The following RGS8 variants were observed in gnomAD, a reference collection of about 807,000 sequenced individuals.
RGS8 encodes the protein regulator of G protein signaling 8, also known as regulator of G-protein signaling 8.
Under a neutral mutation model 21.7 loss-of-function variants are expected in RGS8, and 8 were observed. That is an observed-to-expected ratio of 0.37 (90% confidence interval 0.22 to 0.66). The LOEUF is 0.66. Among genes scored for constraint, RGS8 ranks in the 30% least tolerant of loss-of-function variants. RGS8 has a pLI of 0.59. For missense variants in RGS8, 157 were observed against 217.9 expected, an observed-to-expected ratio of 0.72 and a Z score of 1.76; for synonymous variants, 80 against 83.6, an observed-to-expected ratio of 0.96 and a Z score of 0.24.
chr1:182,687,976 G>T (rs1452511155), upstream of RGS8, among the ~76,000 whole-genome samples: 1 of 152,178 alleles, frequency 6.6e-6, no homozygotes, highest in East Asian at 1.9e-4. Context: ...AGAGTTTATG[G>T]TACATTTACA....
chr1:182,717,995 T>C, the RGS8 span, among the ~76,000 whole-genome samples: 12 of 152,124 alleles, frequency 7.9e-5, no homozygotes, highest in Non-Finnish European at 1.6e-4. Flanking sequence ...AAGGAGAGAA[T>C]ACAAATGAAA....
chr1:182,752,218 T>C, the RGS8 span, among the ~76,000 whole-genome samples: 2 of 152,204 alleles, frequency 1.3e-5, no homozygotes, highest in East Asian at 3.8e-4. Flanking sequence ...GAGGCTGGGC[T>C]GAGCCAGCTG....
chr1:182,720,359 C>T, the RGS8 span, among the ~76,000 whole-genome samples: 17 of 152,284 alleles, frequency 1.1e-4, no homozygotes, highest in Middle Eastern at 3.4e-3. Flanking sequence ...TCGCAAAAAT[C>T]TTCACCAACC....
At chr1:182,724,139 G>A in the RGS8 span, among the ~76,000 whole-genome samples, 1 of 143,960 alleles carries the variant, frequency 6.9e-6, no homozygotes, top group African/African-American at 2.6e-5. Flanking sequence ...CATAGAATCA[G>A]CTGCCAGTGT....
the RGS8 span, among the ~76,000 whole-genome samples, chr1:182,732,081 G>C: frequency 2.6e-5 from 4 of 152,184 alleles, no homozygotes; most frequent in South Asian, 8.3e-4. Flanking sequence ...GACGACTTTA[G>C]AAAGAACCAA....
At chr1:182,689,996 A>G in the RGS8 span, among the ~76,000 whole-genome samples, 1 of 152,048 alleles carries the variant, frequency 6.6e-6, no homozygotes, top group Non-Finnish European at 1.5e-5. Flanking sequence ...TTCTTATTCC[A>G]TTTCCATAGG....
chr1:182,738,988 C>A, the RGS8 span, among the ~76,000 whole-genome samples: 1 of 152,186 alleles, frequency 6.6e-6, no homozygotes, highest in South Asian at 2.1e-4. Context: ...AAGGTTAGAT[C>A]TGTAGTTGTA....
chr1:182,710,351 C>A, the RGS8 span, among the ~76,000 whole-genome samples: 1 of 152,148 alleles, frequency 6.6e-6, no homozygotes, highest in African/African-American at 2.4e-5. Flanking sequence ...CAGGGACACC[C>A]CTACCCTCTT....
At chr1:182,725,062 T>A in the RGS8 span, among the ~76,000 whole-genome samples, 6 of 152,176 alleles carry the variant, frequency 3.9e-5, no homozygotes, top group African/African-American at 1.4e-4. Context: ...TCAGGTTACC[T>A]TTTTGTAAAG....
chr1:182,704,546 T>A, the RGS8 span, among the ~76,000 whole-genome samples: 3 of 152,224 alleles, frequency 2.0e-5, no homozygotes, highest in Non-Finnish European at 4.4e-5. Context: ...TGGACCCATA[T>A]GCAGAATGGG....
At chr1:182,735,137 G>A in the RGS8 span, among the ~76,000 whole-genome samples, 18 of 152,188 alleles carry the variant, frequency 1.2e-4, no homozygotes, top group Middle Eastern at 3.4e-3. Flanking sequence ...GCCTTGAGGC[G>A]AATGGCTACT....
In RGS8 at chr1:182,683,119, C is replaced by T. The variant is rs553501341; in HGVS notation, n.221+1237G>A. ...GACCTGGCCATGGTGAGATGTGGGCCACACTACACACTCTACTGCCCACTC... is the reference window on the plus strand; with the variant it reads ...GACCTGGCCATGGTGAGATGTGGGCTACACTACACACTCTACTGCCCACTC... On this transcript the variant is annotated intron_variant and non_coding_transcript_variant, in intron 1 of 4. Coordinates refer to the RGS8 transcript ENST00000515211. Among the ~76,000 whole-genome samples, 11 of 152,324 alleles carry T rather than the reference C, an allele frequency of 7.2e-5. No homozygotes were observed. The South Asian group carries it at 2.3e-3, about 32-fold the overall frequency.
chr1:182,651,524 G>A (rs1663013259), intron 5 of RGS8, among the ~76,000 whole-genome samples: 2 of 152,178 alleles, frequency 1.3e-5, no homozygotes. Flanking sequence ...TTGAAGTACT[G>A]TTTCCACTGA....
At chr1:182,686,182 A>C (rs960780941), upstream of RGS8, among the ~76,000 whole-genome samples, 1 of 152,212 alleles carries the variant, frequency 6.6e-6, no homozygotes, top group Admixed American at 6.5e-5. Context: ...TGTTTGGGAA[A>C]CAGTGAGTGT....
the RGS8 span, among the ~76,000 whole-genome samples, chr1:182,736,980 G>A: frequency 1.3e-5 from 2 of 152,258 alleles, no homozygotes; most frequent in Admixed American, 1.3e-4. Flanking sequence ...TGTTTTCTCA[G>A]TCCTGGAGGC....
chr1:182,708,381 A>G, the RGS8 span, among the ~76,000 whole-genome samples: 1 of 152,166 alleles, frequency 6.6e-6, no homozygotes, highest in Admixed American at 6.5e-5. Flanking sequence ...AAGGAGATGG[A>G]TGAAGGTGAG....
chr1:182,694,016 T>G, the RGS8 span, among the ~76,000 whole-genome samples: 1 of 152,110 alleles, frequency 6.6e-6, no homozygotes. Flanking sequence ...AGTACCCTAC[T>G]GGGTACTGTG....
chr1:182,722,466 C>T, the RGS8 span, among the ~76,000 whole-genome samples: 2 of 151,784 alleles, frequency 1.3e-5, no homozygotes, highest in African/African-American at 2.4e-5. Flanking sequence ...TGTCAGCCTG[C>T]CATGCTCCCT....
chr1:182,666,136 G>C (rs1663847338), intron 4 of RGS8, 103 bp from the exon 6 acceptor site: 1 of 930,024 alleles, frequency 1.1e-6, no homozygotes. Context: ...AAAATGTGGG[G>C]AAGGGTGCAG....
Sources: allele counts gnomAD v4.1 joint callset (sites outside exome capture counted in the v4.1 genomes callset), GRCh38; gene constraint gnomAD v4.1.1; transcripts MANE v1.5; gene names NCBI Gene and HGNC (gene_info 2026-07-23, HGNC 2026-07-21).